Variants in HECW2 observed in about 807,000 individuals in gnomAD.
HECW2 encodes the protein E3 ubiquitin-protein ligase HECW2.
HECW2 carries 61 observed loss-of-function variants against 175.2 expected under a neutral mutation model. The ratio of observed to expected loss-of-function variants is 0.35; its 90% CI spans 0.28 to 0.43. The LOEUF is 0.43. Among genes scored for constraint, HECW2 ranks in the 20% least tolerant of loss-of-function variants. The pLI is 1.00. For synonymous variants in HECW2, 671 were observed against 731.0 expected, an observed-to-expected ratio of 0.92 and a Z score of 1.32; for missense variants, 1,524 against 2,000.5, an observed-to-expected ratio of 0.76 and a Z score of 4.54.
chr2:196,404,400 T>A (rs2125213450), intron 2 of HECW2, among the ~76,000 whole-genome samples: 3 of 152,328 alleles, frequency 2.0e-5, no homozygotes, highest in Admixed American at 2.0e-4. Context: ...AAGAAAATGA[T>A]GTTTTTATTT....
intron 3 of HECW2, among the ~76,000 whole-genome samples, chr2:196,338,530 C>A (rs1692634268): frequency 6.6e-6 from 1 of 152,176 alleles, no homozygotes; most frequent in Non-Finnish European, 1.5e-5. Flanking sequence ...ATATTTCAAG[C>A]CCTCTCTGCA....
At chr2:196,314,253 G>A (rs1025127088) in intron 10 of HECW2, among the ~76,000 whole-genome samples, 1 of 152,200 alleles carries the variant, frequency 6.6e-6, no homozygotes, top group African/African-American at 2.4e-5. Flanking sequence ...CAGAAGAAGA[G>A]AAAGCTGAGC....
intron 28 of HECW2, among the ~76,000 whole-genome samples, chr2:196,215,117 C>G (rs74446482): frequency 0.028 from 4,302 of 152,196 alleles, 179 homozygotes; most frequent in African/African-American, 0.097. Context: ...AATTTTCTTC[C>G]ATTCCTCTTT....
chr2:196,278,762 C>G, intron 14 of HECW2, 100 bp from the exon 15 acceptor site: 3 of 1,305,764 alleles, frequency 2.3e-6, no homozygotes, highest in Non-Finnish European at 1.1e-6. Flanking sequence ...GAGTCACAAT[C>G]TTAGCTCTAT....
chr2:196,412,551 C>T (rs1226170874), intron 2 of HECW2, among the ~76,000 whole-genome samples: 2 of 152,204 alleles, frequency 1.3e-5, no homozygotes, highest in Non-Finnish European at 2.9e-5. Context: ...GATTTAGTCA[C>T]AGGACACATT....
intron 2 of HECW2, among the ~76,000 whole-genome samples, chr2:196,382,614 A>G (rs115129931): frequency 0.014 from 2,077 of 152,318 alleles, 42 homozygotes; most frequent in African/African-American, 0.048. Context: ...ATAACATGAA[A>G]AAGGATAGAA....
At chr2:196,215,482 T>C (rs1195906408) in intron 28 of HECW2, among the ~76,000 whole-genome samples, 2 of 152,196 alleles carry the variant, frequency 1.3e-5, no homozygotes, top group African/African-American at 2.4e-5. Context: ...CATTATCTAA[T>C]ATCCTTTAGA....
At chr2:196,592,119 T>G (rs902250448) in intron 1 of HECW2, among the ~76,000 whole-genome samples, 2 of 152,124 alleles carry the variant, frequency 1.3e-5, no homozygotes, top group African/African-American at 2.4e-5. Context: ...AGAACACTAC[T>G]CCAGAAAAGA....
intron 13 of HECW2, among the ~76,000 whole-genome samples, chr2:196,292,983 CTTTT>C (rs78754952): frequency 6.6e-6 from 1 of 152,072 alleles, no homozygotes; most frequent in Non-Finnish European, 1.5e-5. Context: ...GTCTAGTTCT[CTTTT>C]TTTAACTTTT....
chr2:196,393,946 C>A (rs371377822), intron 2 of HECW2, among the ~76,000 whole-genome samples: 2 of 152,114 alleles, frequency 1.3e-5, no homozygotes, highest in Non-Finnish European at 2.9e-5. Context: ...AATGTGGCAC[C>A]TATACACCAT....
chr2:196,362,321 ACACACAC>A (rs1459640019), intron 2 of HECW2: 7 of 2,228 alleles, frequency 3.1e-3, no homozygotes, highest in Non-Finnish European at 4.6e-3. Flanking sequence ...TTATGTGTAC[ACACACAC>A]ACACACACAC....
chr2:196,534,097 C>T (rs1216599727), intron 1 of HECW2, among the ~76,000 whole-genome samples: 1 of 152,082 alleles, frequency 6.6e-6, no homozygotes, highest in East Asian at 1.9e-4. Context: ...GCTAAGAAGT[C>T]CCAACTTTGT....
intron 1 of HECW2, among the ~76,000 whole-genome samples, chr2:196,584,054 A>C (rs988303966): frequency 1.4e-4 from 22 of 152,202 alleles, no homozygotes; most frequent in Admixed American, 6.5e-5. Flanking sequence ...TCTTACTGTC[A>C]ATCACTGACA....
At chr2:196,490,249 C>T (rs564157106) in intron 1 of HECW2, among the ~76,000 whole-genome samples, 12 of 152,220 alleles carry the variant, frequency 7.9e-5, no homozygotes, top group Admixed American at 3.3e-4. Context: ...TTAAACAAAA[C>T]AACAACAAAT....
chr2:196,383,038 C>T (rs972701024), intron 2 of HECW2, among the ~76,000 whole-genome samples: 1 of 152,090 alleles, frequency 6.6e-6, no homozygotes, highest in African/African-American at 2.4e-5. Flanking sequence ...AAGCATCAGT[C>T]AGAAGAGTGG....
chr2:196,558,790 T>A (rs1490236898), intron 1 of HECW2, among the ~76,000 whole-genome samples: 1 of 152,268 alleles, frequency 6.6e-6, no homozygotes, highest in African/African-American at 2.4e-5. Flanking sequence ...GATGCTTACC[T>A]GGCAAAGAAT....
chr2:196,317,578 C>G (rs1302979318), intron 9 of HECW2, among the ~76,000 whole-genome samples: 1 of 151,968 alleles, frequency 6.6e-6, no homozygotes, highest in Non-Finnish European at 1.5e-5. Flanking sequence ...CTGCATGTAT[C>G]CCCCGCTCCT....
intron 5 of HECW2, 94 bp downstream of exon 5, chr2:196,329,481 T>C: frequency 1.0e-6 from 1 of 963,722 alleles, no homozygotes; most frequent in Middle Eastern, 2.1e-4. Flanking sequence ...CATATCATCA[T>C]ATCATATACG....
intron 1 of HECW2, among the ~76,000 whole-genome samples, chr2:196,480,278 C>T (rs1034442728): frequency 2.6e-5 from 4 of 152,196 alleles, no homozygotes; most frequent in Non-Finnish European, 4.4e-5. Context: ...CCCTTCCACA[C>T]ACAGTTTATA....
Sources: allele counts gnomAD v4.1 joint callset (sites outside exome capture counted in the v4.1 genomes callset), GRCh38; gene constraint gnomAD v4.1.1; transcripts MANE v1.5; gene names NCBI Gene and HGNC (gene_info 2026-07-23, HGNC 2026-07-21).